KALRN: variants seen among roughly 807,000 people sequenced by gnomAD.
KALRN encodes the protein kalirin.
KALRN carries 70 observed loss-of-function variants against 353.7 expected under a neutral mutation model. The ratio of observed to expected loss-of-function variants is 0.20; its 90% CI spans 0.16 to 0.24. The LOEUF (loss-of-function observed/expected upper bound fraction) is 0.24. Ranked by LOEUF, KALRN falls within the 10% of genes least tolerant of loss-of-function variation. The pLI is 1.00. For missense variants in KALRN, 2,791 were observed against 3,756.7 expected (o/e 0.74, Z 6.72); for synonymous variants, 1,391 against 1,434.8 (o/e 0.97, Z 0.69).
intron 38 of KALRN, 77 bp downstream of exon 38, chr3:124,651,015 C>A (rs1034499718): frequency 3.0e-5 from 46 of 1,549,938 alleles, no homozygotes; most frequent in Non-Finnish European, 4.1e-5. Context: ...GGGGAAAATT[C>A]GAGAGGGGTT....
chr3:124,355,031 A>G (rs2083236211), intron 10 of KALRN, among the ~76,000 whole-genome samples: 1 of 152,252 alleles, frequency 6.6e-6, no homozygotes, highest in Non-Finnish European at 1.5e-5. Flanking sequence ...CTATGGTCAT[A>G]GTGGGAGTCC....
intron 25 of KALRN, among the ~76,000 whole-genome samples, chr3:124,466,894 G>C (rs2060398126): frequency 6.6e-6 from 1 of 152,198 alleles, no homozygotes. Context: ...GTGGATCTTA[G>C]AATTTGATGA....
At chr3:124,229,130 T>C (rs1175441720) in intron 2 of KALRN, among the ~76,000 whole-genome samples, 2 of 152,240 alleles carry the variant, frequency 1.3e-5, no homozygotes, top group Non-Finnish European at 2.9e-5. Context: ...ACAGATTGTG[T>C]TGATGGCTGC....
chr3:124,125,218 TATCATTGCCCTTTTACAGATG>T (rs2064506832), intron 1 of KALRN, among the ~76,000 whole-genome samples: 2 of 152,226 alleles, frequency 1.3e-5, no homozygotes, highest in South Asian at 4.1e-4. Flanking sequence ...AAGCAAGGAT[TATCATTGCCCTTTTACAGATG>T]AGGAAACTGA....
chr3:124,118,909 C>T (rs2063715296), intron 1 of KALRN, among the ~76,000 whole-genome samples: 1 of 152,164 alleles, frequency 6.6e-6, no homozygotes, highest in South Asian at 2.1e-4. Context: ...AGGACGTGGC[C>T]AGATAAGTGA....
chr3:124,089,609 G>A (rs1280497009), intron 1 of KALRN, among the ~76,000 whole-genome samples: 1 of 152,058 alleles, frequency 6.6e-6, no homozygotes, highest in Non-Finnish European at 1.5e-5. Flanking sequence ...TCATGGATCA[G>A]TTCTGAGAGG....
chr3:124,696,291 T>A lies in KALRN; in HGVS notation c.7699+36T>A, dbSNP rs372969409. 7.5e-6 allele frequency: 12 copies of A among 1,601,338 alleles called. No individual in the cohort carries two copies. In the African/African-American group the frequency reaches 1.5e-4, roughly 20 times the overall value. ...TTTGTTAGTCAAACCTTTTGAAATA[T>A]ATATATATTTTTAGACAGGTTCTTG... On this transcript the variant is annotated intron_variant, in intron 54 of 59. Coordinates refer to ENST00000682506, the MANE Select transcript of KALRN (RefSeq NM_001388419.1).
chr3:124,297,815 G>A (rs2076961643), intron 5 of KALRN, among the ~76,000 whole-genome samples: 1 of 152,192 alleles, frequency 6.6e-6, no homozygotes, highest in Non-Finnish European at 1.5e-5. Context: ...GCTTCCTGCA[G>A]TTGTCTTGGC....
intron 28 of KALRN, among the ~76,000 whole-genome samples, chr3:124,487,830 CTTCTCTTTA>C (rs2062726734): frequency 1.3e-5 from 2 of 152,160 alleles, no homozygotes; most frequent in African/African-American, 4.8e-5. Context: ...CCTCCTCATT[CTTCTCTTTA>C]TTCTCTTTAT....
At chr3:124,664,369 G>GCGCGCA (rs1203269150) in intron 45 of KALRN, among the ~76,000 whole-genome samples, 1 of 111,466 alleles carries the variant, frequency 9.0e-6, no homozygotes, top group African/African-American at 4.3e-5. Context: ...GTGTGTGTGT[G>GCGCGCA]TGCGCGCGCG....
At chr3:124,364,508 G>A (rs1203950637) in intron 10 of KALRN, among the ~76,000 whole-genome samples, 1 of 152,202 alleles carries the variant, frequency 6.6e-6, no homozygotes, top group African/African-American at 2.4e-5. Context: ...CCTAAGGAAA[G>A]GAAGTGGGAA....
At chr3:124,344,914 T>C (rs2082122225) in intron 9 of KALRN, among the ~76,000 whole-genome samples, 1 of 152,204 alleles carries the variant, frequency 6.6e-6, no homozygotes, top group African/African-American at 2.4e-5. Flanking sequence ...GTTTAAAAAA[T>C]ATTTAGAAGT....
chr3:124,474,595 C>T, intron 25 of KALRN, 68 bp from the exon 26 acceptor site: 2 of 1,236,758 alleles, frequency 1.6e-6, no homozygotes, highest in Non-Finnish European at 2.4e-6. Context: ...TTGTGCTGGC[C>T]TCAGTGCAAT....
intron 1 of KALRN, among the ~76,000 whole-genome samples, chr3:124,135,390 G>C (rs867446713): frequency 8.5e-5 from 13 of 152,088 alleles, no homozygotes; most frequent in Middle Eastern, 3.2e-3. Context: ...GAGTGGGAGG[G>C]GGGCAAGGGA....
intron 1 of KALRN, among the ~76,000 whole-genome samples, chr3:124,204,766 C>T (rs1377910170): frequency 2.0e-5 from 3 of 152,210 alleles, no homozygotes; most frequent in African/African-American, 7.2e-5. Flanking sequence ...ATGCCTCCCC[C>T]ATCTCTTAGT....
At position 124,662,255 on chromosome 3, in the gene KALRN, G is replaced by T. The variant is rs1483142912; in HGVS notation, c.6345+327G>T. Among the ~76,000 whole-genome samples the T allele has an allele frequency of 2.1e-5, 3 of 143,130 alleles. No individual in the cohort carries two copies. In the Admixed American group the frequency reaches 2.2e-4, roughly 10 times the overall value. 93.9% of individuals were successfully genotyped at this position (143,130 alleles called of 152,430 possible). On this transcript the variant is annotated intron_variant, in intron 45 of 59. Coordinates refer to ENST00000682506, the MANE Select transcript of KALRN (RefSeq NM_001388419.1). ...CTTGCCCTGTCACCCAGGCTGGAGT[G>T]CAGAGTGGTGCAATCCTGGCTTACT...
intron 27 of KALRN, among the ~76,000 whole-genome samples, chr3:124,482,258 T>C (rs1308179623): frequency 2.6e-5 from 4 of 152,214 alleles, no homozygotes; most frequent in African/African-American, 9.6e-5. Flanking sequence ...TGAACATTTA[T>C]AAGAAATAAA....
At chr3:124,518,293 A>G in intron 33 of KALRN, 1 of 921,984 alleles carries the variant, frequency 1.1e-6, no homozygotes, top group Non-Finnish European at 1.8e-6. Flanking sequence ...GAAATACAGT[A>G]GGTTGCACTG....
At chr3:124,177,627 A>G (rs1291398067) in intron 1 of KALRN, among the ~76,000 whole-genome samples, 1 of 152,182 alleles carries the variant, frequency 6.6e-6, no homozygotes. Context: ...TGGACTGGCT[A>G]TAGTCTAGTA....
Sources: gnomAD v4.1 joint callset for allele counts (sites outside exome capture counted in the v4.1 genomes callset) on GRCh38, gnomAD v4.1.1 for gene constraint, MANE v1.5 for transcripts, NCBI Gene and HGNC (gene_info 2026-07-23, HGNC 2026-07-21) for gene names.